FRK: variants seen among roughly 807,000 people sequenced by gnomAD.
The protein encoded by FRK is fyn related Src family tyrosine kinase.
In FRK, 51 loss-of-function variants were observed where a neutral mutation model predicts 56.4. That is an observed-to-expected ratio of 0.90 (90% confidence interval 0.72 to 1.14). The LOEUF is 1.14. Among genes scored for constraint, FRK ranks in the 50% most tolerant of loss-of-function variants. The pLI is 0.00. For synonymous variants in FRK, 245 were observed against 217.9 expected (o/e 1.12, Z -1.10); for missense variants, 570 against 601.4 (o/e 0.95, Z 0.55).
At chr6:116,030,743 T>C (rs755784089) in intron 1 of FRK, among the ~76,000 whole-genome samples, 2 of 152,132 alleles carry the variant, frequency 1.3e-5, no homozygotes, top group Non-Finnish European at 2.9e-5. Flanking sequence ...ACAATATCCT[T>C]TGGAATACAT....
intron 2 of FRK, among the ~76,000 whole-genome samples, chr6:115,995,632 AAGAATATTTCT>A (rs1257342540): frequency 6.6e-6 from 1 of 152,158 alleles, no homozygotes; most frequent in Non-Finnish European, 1.5e-5. Context: ...AAGCCTTGTA[AAGAATATTTCT>A]AGAAATGTTA....
intron 2 of FRK, among the ~76,000 whole-genome samples, chr6:115,988,485 C>T (rs996722329): frequency 5.3e-5 from 8 of 151,966 alleles, no homozygotes; most frequent in Non-Finnish European, 1.0e-4. Context: ...TTGTTTTCAA[C>T]TAAAATCAGA....
At position 116,035,240 on chromosome 6, in the gene FRK, G is replaced by C. The variant is rs190951826; in HGVS notation, c.344+24728C>G. Among the ~76,000 whole-genome samples the C allele has an allele frequency of 1.8e-3, 274 of 152,110 alleles. 3 individuals are homozygous for C. The highest frequency in any genetic ancestry group is 5.9e-3 in the African/African-American group (245 of 41,540). On this transcript the variant is annotated intron_variant, in intron 1 of 7. Transcript: ENST00000606080. ...AAGAATACTGATTTTGTTTGCTGCT[G>C]CTTGGCCTTCCAAGAAGAACTTAGT...
the FRK span, among the ~76,000 whole-genome samples, chr6:116,092,760 T>C: frequency 1.3e-5 from 2 of 152,266 alleles, no homozygotes; most frequent in South Asian, 2.1e-4. Flanking sequence ...CTGGGGACCG[T>C]TGCGAGTTCT....
At chr6:116,080,224 C>T in the FRK span, among the ~76,000 whole-genome samples, 14 of 152,074 alleles carry the variant, frequency 9.2e-5, no homozygotes, top group African/African-American at 1.4e-4. Flanking sequence ...GGCATGATTG[C>T]GGCTCACTGC....
At chr6:116,081,029 A>G in the FRK span, among the ~76,000 whole-genome samples, 1 of 152,204 alleles carries the variant, frequency 6.6e-6, no homozygotes, top group East Asian at 1.9e-4. Context: ...GAGCAAAGTC[A>G]TGTCCTACAT....
chr6:115,947,646 C>A (rs1441834404), intron 5 of FRK, among the ~76,000 whole-genome samples: 1 of 152,028 alleles, frequency 6.6e-6, no homozygotes, highest in Non-Finnish European at 1.5e-5. Context: ...CCCTGTATTA[C>A]CCTTTAGAGA....
intron 1 of FRK, among the ~76,000 whole-genome samples, chr6:116,010,214 G>A (rs1007506474): frequency 1.5e-4 from 22 of 142,816 alleles, no homozygotes; most frequent in African/African-American, 4.1e-4. Context: ...ATTCTGTCTC[G>A]AAAAAAAAAA....
At position 115,956,452 on chromosome 6, in the gene FRK, T is replaced by C; in HGVS notation, c.958A>G (p.Asn320Asp). Residue 320 changes from asparagine (N) to aspartate (D), a missense_variant and splice_region_variant, in exon 5 of 8, where the codon AAT becomes GAT. By Grantham distance (23) the Asn-to-Asp change is conservative. Coordinates refer to ENST00000606080, the MANE Select transcript of FRK (RefSeq NM_002031.3). ...TCCTTGTATTAAGTCTTTAGCTTAC[T>C]TTGGAGATATTCTTGCAGACTTCCA... ...RHGSLQEYLQ[N>D]DTGSKIHLTQ... 6.6e-7 allele frequency: 1 copy of C among 1,523,842 alleles called. No individual in the cohort carries two copies. Among genetic ancestry groups the C allele is most frequent in the Middle Eastern group, 1.8e-4 (1 of 5,416 alleles). The allele number at this position is 1,523,842 out of a possible 1,614,324, so 94.4% of individuals were successfully genotyped here.
At chr6:116,068,654 G>A in the FRK span, among the ~76,000 whole-genome samples, 1 of 152,066 alleles carries the variant, frequency 6.6e-6, no homozygotes, top group Admixed American at 6.6e-5. Flanking sequence ...GCCAACATGG[G>A]ATGCTGGACT....
chr6:115,986,569 CTCTA>C lies in FRK; in HGVS notation c.466+17304_466+17307del, dbSNP rs1392565441. ...GTCATGTTAGCACGGATGAGTAACACTCTATCTAGCCTTTAATTCCTTCAGTTAT... is the reference window on the plus strand; with the variant it reads ...GTCATGTTAGCACGGATGAGTAACACTCTAGCCTTTAATTCCTTCAGTTAT... On this transcript the variant is annotated intron_variant, in intron 2 of 7. Transcript: ENST00000606080. Among the ~76,000 whole-genome samples, 8 of 152,146 alleles carry C rather than the reference CTCTA, an allele frequency of 5.3e-5. No individual in the cohort carries two copies. In the East Asian group the frequency reaches 5.8e-4, roughly 11 times the overall value.
the FRK span, among the ~76,000 whole-genome samples, chr6:116,074,002 C>T: frequency 6.6e-6 from 1 of 152,300 alleles, no homozygotes; most frequent in East Asian, 1.9e-4. Context: ...AGAGCACCTG[C>T]TTCTAAATTA....
chr6:116,011,249 C>T (rs1209360404), intron 1 of FRK, among the ~76,000 whole-genome samples: 3 of 152,136 alleles, frequency 2.0e-5, no homozygotes, highest in East Asian at 1.9e-4. Context: ...GCCTCACTGA[C>T]GTGTACAAAC....
chr6:116,024,205 G>A (rs867460724), intron 1 of FRK, among the ~76,000 whole-genome samples: 1 of 151,746 alleles, frequency 6.6e-6, no homozygotes. Flanking sequence ...CTGCTTTCCT[G>A]ATAAGATACT....
chr6:116,064,080 C>G (rs1777710396), upstream of FRK, among the ~76,000 whole-genome samples: 2 of 152,240 alleles, frequency 1.3e-5, no homozygotes, highest in Non-Finnish European at 2.9e-5. Flanking sequence ...GCATGATACA[C>G]AAGGCCCTGC....
At chr6:115,972,855 G>A (rs4469332) in intron 2 of FRK, among the ~76,000 whole-genome samples, 1 of 152,176 alleles carries the variant, frequency 6.6e-6, no homozygotes, top group Non-Finnish European at 1.5e-5. Flanking sequence ...AAAGTCAGTA[G>A]ATGGCACTGC....
At chr6:115,981,070 C>T (rs546204299) in intron 2 of FRK, among the ~76,000 whole-genome samples, 5 of 152,100 alleles carry the variant, frequency 3.3e-5, no homozygotes, top group South Asian at 4.2e-4. Flanking sequence ...TCAAATGACA[C>T]GGCACACTTA....
chr6:115,988,852 T>G (rs1175759510), intron 2 of FRK, among the ~76,000 whole-genome samples: 1 of 152,022 alleles, frequency 6.6e-6, no homozygotes, highest in Non-Finnish European at 1.5e-5. Flanking sequence ...AAACATTTAT[T>G]TAGTTGTTAT....
At chr6:116,068,872 C>A in the FRK span, among the ~76,000 whole-genome samples, 1 of 151,558 alleles carries the variant, frequency 6.6e-6, no homozygotes, top group Admixed American at 6.6e-5. Flanking sequence ...TTGTTTCATT[C>A]TTTGGCACTG....
Sources: allele counts gnomAD v4.1 joint callset (sites outside exome capture counted in the v4.1 genomes callset), GRCh38; gene constraint gnomAD v4.1.1; transcripts MANE v1.5; gene names NCBI Gene and HGNC (gene_info 2026-07-23, HGNC 2026-07-21).